MROH2A: variants seen among roughly 807,000 people sequenced by gnomAD.
MROH2A encodes the protein maestro heat like repeat family member 2A.
MROH2A carries 174 observed loss-of-function variants against 200.4 expected under a neutral mutation model. The ratio of observed to expected loss-of-function variants is 0.87; its 90% CI spans 0.77 to 0.98. MROH2A has a LOEUF of 0.98. Among genes scored for constraint, MROH2A ranks in the 50% least tolerant of loss-of-function variants. The probability of loss-of-function intolerance (pLI) is 0.00; values close to 1 mark genes in which losing one functional copy is unlikely to be tolerated. For missense variants in MROH2A, 2,045 were observed against 2,139.6 expected, an observed-to-expected ratio of 0.96 and a Z score of 0.87; for synonymous variants, 829 against 840.4, an observed-to-expected ratio of 0.99 and a Z score of 0.23.
rs1704752512 is a variant in MROH2A, at chr2:233,831,541, G to A, written c.4734+1G>A. 1 of 1,548,834 alleles carries A rather than the reference G, an allele frequency of 6.5e-7. No homozygotes were observed. Among genetic ancestry groups the A allele is most frequent in the East Asian group, 2.4e-5 (1 of 40,840 alleles). On this transcript the variant is annotated splice_donor_variant, in intron 39 of 41. Transcript: ENST00000389758. LOFTEE classifies it high-confidence loss of function. ...CCAGACAACCATGTGCTCCATCCTG[G>A]TGAGGAAGCCAAAGGGGGAACCAGC...
chr2:233,832,744 C>A, intron 41 of MROH2A, 100 bp downstream of exon 41: 2 of 564,330 alleles, frequency 3.5e-6, no homozygotes, highest in Non-Finnish European at 6.4e-6. Flanking sequence ...GGACCCTTTG[C>A]TGTGGGGTTT....
intron 31 of MROH2A, 128 bp from the exon 32 acceptor site, chr2:233,821,996 G>T: frequency 8.4e-7 from 1 of 1,194,688 alleles, no homozygotes; most frequent in Non-Finnish European, 1.1e-6. Flanking sequence ...GGCTCCCTCC[G>T]CCTCCCTGAG....
chr2:233,805,593 G>A (rs1702740796), intron 19 of MROH2A, among the ~76,000 whole-genome samples: 1 of 151,936 alleles, frequency 6.6e-6, no homozygotes, highest in Non-Finnish European at 1.5e-5. Context: ...GCTCTGAATA[G>A]CCAACAAAAT....
chr2:233,809,426 A>T, intron 22 of MROH2A, 148 bp downstream of exon 22: 2 of 819,292 alleles, frequency 2.4e-6, no homozygotes. Flanking sequence ...CCATTGCCCA[A>T]ATGTGCTGTT....
chr2:233,812,114 T>G (rs1235122521), intron 24 of MROH2A, among the ~76,000 whole-genome samples, 155 bp downstream of exon 24: 1 of 152,060 alleles, frequency 6.6e-6, no homozygotes, highest in Non-Finnish European at 1.5e-5. Flanking sequence ...TGGGCCAGCC[T>G]AGATGATGGG....
rs1488544457 is a variant in MROH2A at position 233,832,253 on chromosome 2, T to A, written c.4811T>A (p.Ile1604Asn). ...MAYVKNNLSR[I>N]RIAACNLAGI... ...TATGTTAAAAATAACTTGTCAAGAA[T>A]CAGAATCGCTGCTTGCAACTTGGCA... Residue 1604 changes from isoleucine (I) to asparagine (N), a missense_variant, in exon 40 of 42, where the codon ATC becomes AAC. Around this residue, in one of 3 missense-constraint regions of MROH2A, gnomAD observed 1,201 missense variants for 1,311.3 expected, o/e 0.92. Transcript: ENST00000389758. 3.2e-6 allele frequency: 5 copies of A among 1,550,714 alleles called. No individual in the cohort carries two copies. The highest frequency in any genetic ancestry group is 4.4e-6 in the Non-Finnish European group (5 of 1,147,100).
rs534135503 is a variant in MROH2A, at chr2:233,793,838, C to A, written c.822+14C>A. ...TACAACCCCGAGGTGAGATGCACCC[C>A]TCTTAGGAGGGCCTGGTGGTCCCCA... On this transcript the variant is annotated intron_variant, in intron 7 of 41. Transcript: ENST00000389758. The A allele has an allele frequency of 1.1e-5, 15 of 1,385,370 alleles. No individual in the cohort carries two copies. The highest frequency in any genetic ancestry group is 1.4e-5 in the Non-Finnish European group (15 of 1,065,342). The allele number at this position is 1,385,370 out of a possible 1,614,324, so 85.8% of individuals were successfully genotyped here. A position where few individuals can be genotyped will look rare whatever the true frequency, so the allele number is the denominator to read the frequency against.
At chr2:233,799,628 A>G (rs1445063178) in intron 12 of MROH2A, among the ~76,000 whole-genome samples, 152 bp from the exon 13 acceptor site, 1 of 152,072 alleles carries the variant, frequency 6.6e-6, no homozygotes, top group Non-Finnish European at 1.5e-5. Context: ...TGGATGAGGC[A>G]GGGGGAGGTG....
At chr2:233,798,882 A>G in intron 12 of MROH2A, 32 bp downstream of exon 12, 1 of 1,519,854 alleles carries the variant, frequency 6.6e-7, no homozygotes, top group East Asian at 2.5e-5. Context: ...AATGGGGGGC[A>G]CTCAGGGGAC....
rs17862901 is a variant in MROH2A at position 233,828,479 on chromosome 2, G to A, written c.4114-151G>A. Reference sequence around the variant, plus strand: ...CCTGAGGCAGGTACTAGCATCACCCGCTTTTTATAGAGAGGAAACGGAGGC... The same window carrying A: ...CCTGAGGCAGGTACTAGCATCACCCACTTTTTATAGAGAGGAAACGGAGGC... On this transcript the variant is annotated intron_variant, in intron 35 of 41. Coordinates refer to ENST00000389758, the MANE Select transcript of MROH2A (RefSeq NM_001394639.1). This position sits in a 1 kb window ranked among gnomAD's most constrained non-coding sequence, Gnocchi z 4.6. 0.15 allele frequency: 143,731 copies of A among 936,372 alleles called. 11,427 individuals are homozygous for A. Among genetic ancestry groups the A allele is most frequent in the Non-Finnish European group, 0.16 (102,742 of 633,618 alleles). 58.0% of individuals were successfully genotyped at this position (936,372 alleles called of 1,614,324 possible). A position where few individuals can be genotyped will look rare whatever the true frequency, so the allele number is the denominator to read the frequency against.
At position 233,833,340 on chromosome 2, in the gene MROH2A, T is replaced by G; in HGVS notation, c.*81T>G. ...TAATTTAGTTTGTAAGAAGTTTAGT[T>G]TGTAGGAAAAACACTATTGTAAAAT... is the stretch of plus-strand genomic sequence containing the variant. On this transcript the variant is annotated 3_prime_UTR_variant, in exon 42 of 42. Coordinates refer to ENST00000389758, the MANE Select transcript of MROH2A (RefSeq NM_001394639.1). 1 of 1,388,544 alleles carries G rather than the reference T, an allele frequency of 7.2e-7. No homozygotes were observed. Among genetic ancestry groups the G allele is most frequent in the Non-Finnish European group, 9.5e-7 (1 of 1,052,414 alleles). The allele number at this position is 1,388,544 out of a possible 1,614,324, so 86.0% of individuals were successfully genotyped here.
chr2:233,821,146 G>T (rs1325166613), intron 31 of MROH2A, among the ~76,000 whole-genome samples: 1 of 152,220 alleles, frequency 6.6e-6, no homozygotes, highest in Non-Finnish European at 1.5e-5. Context: ...CCATGGTTCA[G>T]GAGTCAAGGC....
chr2:233,781,582 A>AT (rs897803126), intron 3 of MROH2A, among the ~76,000 whole-genome samples: 2 of 151,626 alleles, frequency 1.3e-5, no homozygotes, highest in African/African-American at 2.4e-5. Flanking sequence ...TTTAAATTTG[A>AT]TTTTTTTGCT....
chr2:233,822,430 C>T lies in MROH2A; in HGVS notation c.3740C>T (p.Pro1247Leu). 6.4e-7 allele frequency: 1 copy of T among 1,551,022 alleles called. No homozygotes were observed. The highest frequency in any genetic ancestry group is 8.7e-7 in the Non-Finnish European group (1 of 1,147,086). ...DENDKLPDFL[P>L]DLIYTLLLQL... ...AATGACAAGCTCCCGGACTTCCTCC[C>T]TGACCTCATCTACACCCTCCTGCTG... Residue 1247 changes from proline to leucine, a missense_variant, in exon 33 of 42, where the codon CCT becomes CTT. Physicochemically the swap from Pro to Leu is moderately conservative, Grantham distance 98 (BLOSUM62 -3). Coordinates refer to ENST00000389758, the MANE Select transcript of MROH2A (RefSeq NM_001394639.1).
Position 233,814,578 on chromosome 2 carries a change from G to A in MROH2A, c.2761-4G>A. ...GCCTATCTCTCTCTCCCTCTTGGCT[G>A]TAGACCCTGTATGCAAATGCCCTGA... On this transcript the variant is annotated splice_region_variant and splice_polypyrimidine_tract_variant and intron_variant, in intron 25 of 41. Coordinates refer to ENST00000389758, the MANE Select transcript of MROH2A (RefSeq NM_001394639.1). 1 of 1,549,576 alleles carries A rather than the reference G, an allele frequency of 6.5e-7. No individual in the cohort carries two copies. The highest frequency in any genetic ancestry group is 8.7e-7 in the Non-Finnish European group (1 of 1,146,304).
In MROH2A at chr2:233,828,935, C is replaced by T. The variant is rs1482269550; in HGVS notation, c.4309C>T (p.Leu1437=). Residue 1437 remains leucine (L), a synonymous_variant, in exon 37 of 42, where the codon CTG becomes TTG. Transcript: ENST00000389758. This position sits in a 1 kb window ranked among gnomAD's most constrained non-coding sequence, Gnocchi z 4.6. ...KVLLEKCLGP[L]REPVSNSVTA... ...CTTGCTGGAGAAGTGCCTGGGCCCCCTGAGGGAGCCCGTGAGCAACAGCGT... is the reference window on the plus strand; with the variant it reads ...CTTGCTGGAGAAGTGCCTGGGCCCCTTGAGGGAGCCCGTGAGCAACAGCGT... The T allele has an allele frequency of 6.4e-7, 1 of 1,550,524 alleles. No individual in the cohort carries two copies. Among genetic ancestry groups the T allele is most frequent in the Non-Finnish European group, 8.7e-7 (1 of 1,146,980 alleles).
intron 37 of MROH2A, 92 bp downstream of exon 37, chr2:233,829,164 A>G (rs1472696770): frequency 1.0e-5 from 13 of 1,245,080 alleles, no homozygotes; most frequent in East Asian, 2.6e-5. Context: ...AGCAGAAAAG[A>G]GCCGAGGCTC....
At chr2:233,831,387 C>T (rs1249355052) in intron 38 of MROH2A, 22 bp from the exon 39 acceptor site, 14 of 1,537,566 alleles carry the variant, frequency 9.1e-6, no homozygotes, top group Non-Finnish European at 1.2e-5. Context: ...GATGGCTCTG[C>T]TGCCGTCCTG....
chr2:233,799,445 A>G (rs1702318162), intron 12 of MROH2A, among the ~76,000 whole-genome samples: 1 of 152,196 alleles, frequency 6.6e-6, no homozygotes, highest in South Asian at 2.1e-4. Flanking sequence ...TCTCCTTCAC[A>G]TAGTGATTCT....
Sources: allele counts gnomAD v4.1 joint callset (sites outside exome capture counted in the v4.1 genomes callset), GRCh38; gene constraint gnomAD v4.1.1; regional missense constraint gnomAD v4.1.1; non-coding constraint Gnocchi (gnomAD v3.1); transcripts MANE v1.5; gene names NCBI Gene and HGNC (gene_info 2026-07-23, HGNC 2026-07-21).